Variants in IFT46 observed in about 807,000 individuals in gnomAD.
IFT46 encodes intraflagellar transport protein 46 homolog.
In IFT46, 19 loss-of-function variants were observed where a neutral mutation model predicts 39.6. The ratio of observed to expected loss-of-function variants is 0.48; its 90% CI spans 0.33 to 0.70. The LOEUF (loss-of-function observed/expected upper bound fraction) is 0.70. IFT46 is among the 30% of genes least tolerant of loss of function. The pLI is 0.01. For missense variants in IFT46, 334 were observed against 364.8 expected, an observed-to-expected ratio of 0.92 and a Z score of 0.69; for synonymous variants, 117 against 134.8, an observed-to-expected ratio of 0.87 and a Z score of 0.91.
chr11:118,575,641 A>G (rs1388548522), upstream of IFT46, among the ~76,000 whole-genome samples: 1 of 152,230 alleles, frequency 6.6e-6, no homozygotes, highest in Non-Finnish European at 1.5e-5. Context: ...TAGCCTTAAT[A>G]TGACCATGAA....
chr11:118,573,204 G>A (rs1358822884), upstream of IFT46, among the ~76,000 whole-genome samples: 4 of 152,306 alleles, frequency 2.6e-5, no homozygotes, highest in African/African-American at 9.6e-5. Context: ...CATACACTGT[G>A]TAGACCACTG....
chr11:118,572,414 G>C (rs1938361187), intron 1 of IFT46: 1 of 811,848 alleles, frequency 1.2e-6, no homozygotes, highest in Non-Finnish European at 1.8e-6. Context: ...CCGCCATCTT[G>C]GCAAGAGGCG....
At chr11:118,572,498 C>G in intron 1 of IFT46, 1 of 1,608,772 alleles carries the variant, frequency 6.2e-7, no homozygotes, top group Non-Finnish European at 8.5e-7. Flanking sequence ...GACCCTACCC[C>G]TATCCCCAGT....
At chr11:118,552,064 C>T (rs945103825) in intron 8 of IFT46, 150 bp downstream of exon 8, 2 of 1,053,604 alleles carry the variant, frequency 1.9e-6, no homozygotes, top group African/African-American at 3.2e-5. Context: ...ATCTTTATGT[C>T]TACAATCTCA....
intron 10 of IFT46, 128 bp from the exon 11 acceptor site, chr11:118,545,622 C>A: frequency 9.5e-7 from 1 of 1,048,394 alleles, no homozygotes. Context: ...AAATACCCAG[C>A]AGGTAGTCAC....
upstream of IFT46, among the ~76,000 whole-genome samples, chr11:118,574,403 A>G (rs975057311): frequency 2.8e-4 from 43 of 152,184 alleles, no homozygotes; most frequent in Non-Finnish European, 5.1e-4. Flanking sequence ...TTTTAGCTCA[A>G]CATTTCATTA....
At chr11:118,570,418 A>G (rs1306676350), upstream of IFT46, among the ~76,000 whole-genome samples, 2 of 152,172 alleles carry the variant, frequency 1.3e-5, no homozygotes, top group Non-Finnish European at 2.9e-5. Flanking sequence ...AGTTTGGACA[A>G]ATGCTTAACT....
chr11:118,566,172 T>C (rs1555071470), upstream of IFT46: 1 of 152,156 alleles, frequency 6.6e-6, no homozygotes, highest in East Asian at 1.9e-4. Context: ...CCCTTCAATC[T>C]GGAAACAAGG....
intron 3 of IFT46, among the ~76,000 whole-genome samples, chr11:118,558,807 ACT>A (rs1555070030): frequency 6.6e-6 from 1 of 151,186 alleles, no homozygotes; most frequent in African/African-American, 2.4e-5. Context: ...TCCCCCAGCT[ACT>A]CGGGAGGCTG....
upstream of IFT46, among the ~76,000 whole-genome samples, chr11:118,576,299 AT>A (rs1218323180): frequency 6.9e-3 from 998 of 143,808 alleles, no homozygotes; most frequent in Admixed American, 0.015. Flanking sequence ...TTATGAGGGA[AT>A]TTTTTTTTTT....
At chr11:118,548,413 G>A (rs1208044002) in intron 9 of IFT46, among the ~76,000 whole-genome samples, 2 of 143,164 alleles carry the variant, frequency 1.4e-5, no homozygotes, top group Non-Finnish European at 3.0e-5. Flanking sequence ...TCATGAGGCT[G>A]GAATACAGTG....
rs1555068681 is a variant in IFT46 at position 118,552,349 on chromosome 11, G to T, written c.484-14C>A. The stretch of plus-strand genomic sequence containing the variant: ...TTTCATATGTTGCTAGGAAAGTAAG[G>T]AGAAAGCCTAGCTGATGGCACTGAA... On this transcript the variant is annotated splice_polypyrimidine_tract_variant and intron_variant, in intron 7 of 11. Coordinates refer to ENST00000264021, the MANE Select transcript of IFT46 (RefSeq NM_001168618.2). The T allele has an allele frequency of 1.2e-6, 2 of 1,613,750 alleles. No individual in the cohort carries two copies. Among genetic ancestry groups the T allele is most frequent in the South Asian group, 2.2e-5 (2 of 91,040 alleles).
chr11:118,561,110 T>C (rs1938041688), intron 2 of IFT46: 1 of 1,507,892 alleles, frequency 6.6e-7, no homozygotes, highest in East Asian at 2.3e-5. Context: ...GCCAGGTGCC[T>C]TTACCTGCTA....
chr11:118,545,574 G>A, intron 10 of IFT46, 80 bp from the exon 11 acceptor site: 1 of 1,277,890 alleles, frequency 7.8e-7, no homozygotes, highest in Non-Finnish European at 1.1e-6. Flanking sequence ...CACAGGCAAA[G>A]CCCTGGCAGA....
At chr11:118,550,597 G>A (rs151107600) in intron 9 of IFT46, among the ~76,000 whole-genome samples, 1 of 152,212 alleles carries the variant, frequency 6.6e-6, no homozygotes, top group East Asian at 1.9e-4. Context: ...ACAGGCATGA[G>A]CCACTGTGCC....
intron 1 of IFT46, among the ~76,000 whole-genome samples, chr11:118,571,656 C>T (rs45462592): frequency 0.04 from 6,132 of 152,254 alleles, 155 homozygotes; most frequent in Non-Finnish European, 0.06. Flanking sequence ...TGCATATTAG[C>T]CATTTATATA....
chr11:118,576,510 A>G (rs1032894560), upstream of IFT46, among the ~76,000 whole-genome samples: 2 of 151,852 alleles, frequency 1.3e-5, no homozygotes, highest in Non-Finnish European at 1.5e-5. Context: ...TCAAATTTCA[A>G]TAGGGAAAAT....
intron 8 of IFT46, 120 bp downstream of exon 8, chr11:118,552,094 C>T (rs1937660981): frequency 3.2e-6 from 4 of 1,251,244 alleles, no homozygotes; most frequent in Non-Finnish European, 4.5e-6. Context: ...TGCCAGGATC[C>T]ACAGGACCTC....
chr11:118,567,520 G>C (rs1322398133), upstream of IFT46, among the ~76,000 whole-genome samples: 1 of 151,964 alleles, frequency 6.6e-6, no homozygotes, highest in Non-Finnish European at 1.5e-5. Context: ...AGGTTGTGGT[G>C]AGCCGAGATC....
Sources: gnomAD v4.1 joint callset for allele counts (sites outside exome capture counted in the v4.1 genomes callset) on GRCh38, gnomAD v4.1.1 for gene constraint, MANE v1.5 for transcripts, NCBI Gene and HGNC (gene_info 2026-07-23, HGNC 2026-07-21) for gene names.